Variants in SOS1 observed in about 807,000 individuals in gnomAD.
The protein encoded by SOS1 is SOS Ras/Rac guanine nucleotide exchange factor 1.
A neutral mutation model predicts 157.6 loss-of-function variants in SOS1; 25 were observed. The ratio of observed to expected loss-of-function variants is 0.16; its 90% CI spans 0.12 to 0.22. The LOEUF is 0.22. Among genes scored for constraint, SOS1 ranks in the 10% least tolerant of loss-of-function variants. The probability of loss-of-function intolerance (pLI) is 1.00; values close to 1 mark genes in which losing one functional copy is unlikely to be tolerated. For missense variants in SOS1, 1,237 were observed against 1,599.1 expected (o/e 0.77, Z 3.86); for synonymous variants, 528 against 534.0 (o/e 0.99, Z 0.16).
At chr2:39,069,011 G>C (rs888101994) in intron 1 of SOS1, among the ~76,000 whole-genome samples, 1 of 151,948 alleles carries the variant, frequency 6.6e-6, no homozygotes, top group Non-Finnish European at 1.5e-5. Flanking sequence ...TTCATTAGCT[G>C]AGAGGGTGTG....
At chr2:39,124,232 G>T (rs146090998), upstream of SOS1, 2 of 152,382 alleles carry the variant, frequency 1.3e-5, no homozygotes, top group Non-Finnish European at 2.9e-5. Context: ...ACTCAGAAAC[G>T]TGCAGACGGG....
At chr2:39,113,615 A>T (rs1673525188) in intron 1 of SOS1, among the ~76,000 whole-genome samples, 1 of 152,180 alleles carries the variant, frequency 6.6e-6, no homozygotes, top group African/African-American at 2.4e-5. Flanking sequence ...TAACTTTCCA[A>T]ACCTTGATTT....
rs781159925 is a variant in SOS1 at position 39,022,893 on chromosome 2, T to C, written c.1535A>G (p.His512Arg). ...ATCTTTTAAAATTATTTCAAAAGCA[T>C]GCTTGTATTCATTGGTGTCATCTTT... ...NDKDDTNEYKHAFEIILKDEN... is the reference protein window; with the variant it reads ...NDKDDTNEYKRAFEIILKDEN... The change falls in exon 10 of 23, where the codon CAT (histidine) becomes CGT (arginine). Residue 512 changes from histidine to arginine, a missense_variant. Physicochemically the swap from His to Arg is conservative, Grantham distance 29. Around this residue, in one of 15 missense-constraint regions of SOS1, gnomAD observed 210 missense variants for 220.2 expected, o/e 0.95. Coordinates refer to ENST00000402219, the MANE Select transcript of SOS1 (RefSeq NM_005633.4). The C allele has an allele frequency of 3.1e-6, 5 of 1,611,664 alleles. No homozygotes were observed. Among genetic ancestry groups the C allele is most frequent in the Non-Finnish European group, 3.4e-6 (4 of 1,178,038 alleles).
At chr2:39,044,853 C>CGT (rs1188034387) in intron 6 of SOS1, among the ~76,000 whole-genome samples, 11 of 38,886 alleles carry the variant, frequency 2.8e-4, no homozygotes, top group Non-Finnish European at 5.2e-4. Context: ...CACACACATG[C>CGT]GCGCGCGCGC....
chr2:39,102,867 A>C (rs1558514378), intron 1 of SOS1, among the ~76,000 whole-genome samples: 1 of 152,106 alleles, frequency 6.6e-6, no homozygotes, highest in Non-Finnish European at 1.5e-5. Context: ...AGATGGGAAG[A>C]TTGCTGGAGC....
chr2:39,075,330 T>A (rs753151053), intron 1 of SOS1, among the ~76,000 whole-genome samples: 1 of 152,088 alleles, frequency 6.6e-6, no homozygotes, highest in Admixed American at 6.6e-5. Flanking sequence ...TAGAAGACAA[T>A]ATTTTCCAGG....
chr2:38,995,822 G>A (rs1449148335), intron 19 of SOS1, among the ~76,000 whole-genome samples: 2 of 152,096 alleles, frequency 1.3e-5, no homozygotes, highest in African/African-American at 2.4e-5. Flanking sequence ...AGATATTTAC[G>A]AATACATTAA....
chr2:39,071,604 C>T (rs1026133226), intron 1 of SOS1, among the ~76,000 whole-genome samples: 5 of 152,038 alleles, frequency 3.3e-5, no homozygotes, highest in South Asian at 4.1e-4. Context: ...ATCAATAATT[C>T]GAATTACCTT....
At chr2:39,046,842 A>C (rs940432293) in intron 6 of SOS1, among the ~76,000 whole-genome samples, 3 of 152,086 alleles carry the variant, frequency 2.0e-5, no homozygotes, top group Non-Finnish European at 2.9e-5. Flanking sequence ...ATATTTCTTG[A>C]CTTCCCTTTG....
chr2:39,054,690 T>G lies in SOS1; in HGVS notation c.644A>C (p.Tyr215Ser). 2 of 1,599,924 alleles carry G rather than the reference T, an allele frequency of 1.3e-6. No homozygotes were observed. Among genetic ancestry groups the G allele is most frequent in the Admixed American group, 1.7e-5 (1 of 60,006 alleles). Residue 215 changes from tyrosine to serine, a missense_variant, in exon 5 of 23, where the codon TAT becomes TCT. Physicochemically the swap from Tyr to Ser is moderately radical, Grantham distance 144 (BLOSUM62 -2). This residue lies in a region of SOS1 where 108 missense variants were observed against 115.3 expected (regional missense o/e 0.94). Coordinates refer to ENST00000402219, the MANE Select transcript of SOS1 (RefSeq NM_005633.4). ...TATAATTAGATTTAGTTCCCTTATATATTGTCGAATTTCTGCCATAAATGC... is the reference window on the plus strand; with the variant it reads ...TATAATTAGATTTAGTTCCCTTATAGATTGTCGAATTTCTGCCATAAATGC... ...VKAFMAEIRQ[Y>S]IRELNLIIKV...
intron 1 of SOS1, among the ~76,000 whole-genome samples, chr2:39,102,530 C>CAAA (rs70954782): frequency 0.03 from 1,519 of 50,302 alleles, 275 homozygotes; most frequent in African/African-American, 0.11. Context: ...GACTCCATCT[C>CAAA]AAAAAAAAAA....
intron 11 of SOS1, among the ~76,000 whole-genome samples, chr2:39,014,519 T>G (rs1311996132): frequency 6.6e-6 from 1 of 152,064 alleles, no homozygotes; most frequent in African/African-American, 2.4e-5. Flanking sequence ...TTTATATAGG[T>G]CTTTAGTTCT....
intron 20 of SOS1, among the ~76,000 whole-genome samples, chr2:38,991,654 CCT>C (rs1265678780): frequency 2.0e-5 from 3 of 152,164 alleles, no homozygotes. Context: ...ACTTCTCTGC[CCT>C]GTCTTTGCCA....
Position 39,012,136 on chromosome 2 carries a change from C to A in SOS1, c.2380G>T (p.Asp794Tyr), listed in dbSNP as rs777387313. The A allele has an allele frequency of 6.2e-7, 1 of 1,607,434 alleles. No individual in the cohort carries two copies. The highest frequency in any genetic ancestry group is 8.5e-7 in the Non-Finnish European group (1 of 1,174,038). Reference sequence around the variant, plus strand: ...TGTTAAATTACATACCGGTATAGATCTGATTCAAGTAAAGTGAGTTGTCGA... The same window carrying A: ...TGTTAAATTACATACCGGTATAGATATGATTCAAGTAAAGTGAGTTGTCGA... The part of the protein sequence containing the change: ...IARQLTLLES[D>Y]LYRAVQPSEL... Residue 794 changes from aspartate (D) to tyrosine (Y), a missense_variant, in exon 14 of 23, where the codon GAT becomes TAT. Transcript: ENST00000402219.
At chr2:39,064,379 G>A (rs970813149) in intron 2 of SOS1, among the ~76,000 whole-genome samples, 1 of 152,130 alleles carries the variant, frequency 6.6e-6, no homozygotes, top group African/African-American at 2.4e-5. Context: ...GAATTTGGGA[G>A]GGGCACAAAC....
intron 6 of SOS1, among the ~76,000 whole-genome samples, chr2:39,048,889 A>C (rs1386275643): frequency 6.6e-6 from 1 of 151,924 alleles, no homozygotes; most frequent in Non-Finnish European, 1.5e-5. Flanking sequence ...TTTGTCTGGA[A>C]CTCCTATTAG....
chr2:38,986,425 G>A (rs1668562727), intron 22 of SOS1, 110 bp from the exon 23 acceptor site: 1 of 1,044,312 alleles, frequency 9.6e-7, no homozygotes, highest in African/African-American at 1.6e-5. Context: ...GATGCTAAGT[G>A]TGGAACAGGG....
chr2:39,100,920 A>C (rs297156), intron 1 of SOS1, among the ~76,000 whole-genome samples: 2 of 152,096 alleles, frequency 1.3e-5, no homozygotes, highest in Non-Finnish European at 2.9e-5. Context: ...CCTTGTCTCA[A>C]AAAAATAATA....
At chr2:39,056,599 C>T in intron 4 of SOS1, 103 bp downstream of exon 4, 3 of 786,764 alleles carry the variant, frequency 3.8e-6, no homozygotes, top group Non-Finnish European at 6.7e-6. Flanking sequence ...TGGAGATATT[C>T]CCCAACACAT....
Sources: gnomAD v4.1 joint callset for allele counts (sites outside exome capture counted in the v4.1 genomes callset) on GRCh38, gnomAD v4.1.1 for gene constraint, gnomAD v4.1.1 regional missense constraint, MANE v1.5 for transcripts, NCBI Gene and HGNC (gene_info 2026-07-23, HGNC 2026-07-21) for gene names.